ROR1: variants seen among roughly 807,000 people sequenced by gnomAD.
ROR1 encodes the protein ROR family WNT receptor 1, also known as inactive tyrosine-protein kinase transmembrane receptor ROR1.
In ROR1, 19 loss-of-function variants were observed where a neutral mutation model predicts 78.8. The ratio of observed to expected loss-of-function variants is 0.24; its 90% CI spans 0.17 to 0.35. The LOEUF is 0.35. Among genes scored for constraint, ROR1 ranks in the 10% least tolerant of loss-of-function variants. ROR1 has a pLI of 1.00. For missense variants in ROR1, 917 were observed against 1,177.8 expected (o/e 0.78, Z 3.24); for synonymous variants, 386 against 433.6 (o/e 0.89, Z 1.36).
chr1:63,961,856 C>A (rs1646032026), intron 1 of ROR1, among the ~76,000 whole-genome samples: 2 of 152,078 alleles, frequency 1.3e-5, no homozygotes, highest in Non-Finnish European at 2.9e-5. Context: ...ATGTTCCAAA[C>A]CCAAATAAAT....
At chr1:64,144,264 G>A (rs1225252913) in intron 7 of ROR1, among the ~76,000 whole-genome samples, 1 of 152,146 alleles carries the variant, frequency 6.6e-6, no homozygotes, top group Non-Finnish European at 1.5e-5. Flanking sequence ...TTCATGCTGA[G>A]TTTGAGATGC....
chr1:63,946,317 C>T (rs766125372), intron 1 of ROR1, among the ~76,000 whole-genome samples: 1 of 152,166 alleles, frequency 6.6e-6, no homozygotes, highest in Non-Finnish European at 1.5e-5. Flanking sequence ...GAACATCTTC[C>T]AGATATAACT....
chr1:64,083,129 G>A (rs530087907), intron 4 of ROR1, among the ~76,000 whole-genome samples: 4 of 152,308 alleles, frequency 2.6e-5, no homozygotes, highest in Middle Eastern at 3.4e-3. Flanking sequence ...GTCATAATTG[G>A]GAAAGAGTAC....
At chr1:64,130,239 G>A (rs912772571) in intron 4 of ROR1, among the ~76,000 whole-genome samples, 1 of 152,118 alleles carries the variant, frequency 6.6e-6, no homozygotes, top group Non-Finnish European at 1.5e-5. Flanking sequence ...TAGATTTAAG[G>A]CTTCTCTGTG....
chr1:63,940,203 C>A (rs1029901868), intron 1 of ROR1, among the ~76,000 whole-genome samples: 4 of 151,918 alleles, frequency 2.6e-5, no homozygotes, highest in Non-Finnish European at 5.9e-5. Context: ...CTCTAAAGAA[C>A]CAGGGGTCCT....
At chr1:63,919,064 A>C (rs529377583) in intron 1 of ROR1, among the ~76,000 whole-genome samples, 1 of 152,218 alleles carries the variant, frequency 6.6e-6, no homozygotes, top group South Asian at 2.1e-4. Context: ...TCTAGAGGGT[A>C]AATAACAGGA....
At chr1:63,901,769 C>T (rs1387125009) in intron 1 of ROR1, among the ~76,000 whole-genome samples, 1 of 151,978 alleles carries the variant, frequency 6.6e-6, no homozygotes, top group African/African-American at 2.4e-5. Flanking sequence ...ATACTTCCTT[C>T]TATCATATAT....
rs573290898 is a variant in ROR1, at chr1:64,024,195, TG to T, written c.163+14822del. ...CAGTGTGAAAATGGACTAATACAAA[TG>T]GGAGCTGGGCGCAGTGGCTCATGCC... On this transcript the variant is annotated intron_variant, in intron 2 of 8. Transcript: ENST00000371079. 6.8e-3 allele frequency among the ~76,000 whole-genome samples: 1,037 copies of T among 152,268 alleles called. 6 individuals carry two copies. The highest frequency in any genetic ancestry group is 8.9e-3 in the Non-Finnish European group (602 of 68,016).
At chr1:64,115,407 A>T (rs1408409993) in intron 4 of ROR1, among the ~76,000 whole-genome samples, 7 of 151,436 alleles carry the variant, frequency 4.6e-5, no homozygotes, top group East Asian at 1.9e-4. Flanking sequence ...TTATTTATTT[A>T]TTTATTTTGT....
chr1:63,826,320 A>G (rs1644953227), intron 1 of ROR1, among the ~76,000 whole-genome samples: 1 of 152,042 alleles, frequency 6.6e-6, no homozygotes, highest in Admixed American at 6.6e-5. Flanking sequence ...TTTAGCTCCC[A>G]CTTACAAGTG....
intron 1 of ROR1, among the ~76,000 whole-genome samples, chr1:63,958,447 A>T (rs543458907): frequency 6.6e-6 from 1 of 152,298 alleles, no homozygotes; most frequent in East Asian, 1.9e-4. Flanking sequence ...CCAGGTGCAT[A>T]TGTCTTCCTT....
At chr1:64,137,939 A>G (rs369166410) in intron 5 of ROR1, among the ~76,000 whole-genome samples, 2 of 152,164 alleles carry the variant, frequency 1.3e-5, no homozygotes, top group African/African-American at 2.4e-5. Flanking sequence ...CTTTGGGGAA[A>G]TCGCTTACTT....
chr1:63,836,231 A>T (rs1449103431), intron 1 of ROR1, among the ~76,000 whole-genome samples: 1 of 152,210 alleles, frequency 6.6e-6, no homozygotes, highest in Non-Finnish European at 1.5e-5. Context: ...CCAAGCCCTA[A>T]GCCTCAACAC....
intron 1 of ROR1, chr1:63,843,221 C>T (rs879175001): frequency 5.3e-6 from 8 of 1,498,768 alleles, no homozygotes; most frequent in Middle Eastern, 2.4e-4. Context: ...GGGAGATGAC[C>T]GCACTGCCCC....
At chr1:63,848,573 T>C (rs1378697353) in intron 1 of ROR1, among the ~76,000 whole-genome samples, 1 of 152,244 alleles carries the variant, frequency 6.6e-6, no homozygotes, top group Non-Finnish European at 1.5e-5. Flanking sequence ...AGTGGAGGCC[T>C]GTGGTACTTT....
chr1:63,973,043 C>A (rs1646131080), intron 1 of ROR1, among the ~76,000 whole-genome samples: 1 of 152,222 alleles, frequency 6.6e-6, no homozygotes, highest in Non-Finnish European at 1.5e-5. Context: ...GGGCAGGCTG[C>A]TGCTTCTCTC....
intron 1 of ROR1, among the ~76,000 whole-genome samples, chr1:63,800,024 A>G (rs899105548): frequency 6.6e-6 from 1 of 152,220 alleles, no homozygotes; most frequent in Non-Finnish European, 1.5e-5. Flanking sequence ...CATTTCCCCT[A>G]GTAACGAAGG....
intron 1 of ROR1, among the ~76,000 whole-genome samples, chr1:63,905,907 TTAACA>T (rs1645524373): frequency 6.6e-6 from 1 of 152,184 alleles, no homozygotes; most frequent in East Asian, 1.9e-4. Context: ...TCGATAATAA[TTAACA>T]TAAAATAATG....
intron 1 of ROR1, among the ~76,000 whole-genome samples, chr1:63,776,912 T>G (rs1429395789): frequency 6.6e-6 from 1 of 152,214 alleles, no homozygotes; most frequent in Admixed American, 6.5e-5. Flanking sequence ...GTTTACTTTC[T>G]CCTCTTGGAC....
Sources: gnomAD v4.1 joint callset for allele counts (sites outside exome capture counted in the v4.1 genomes callset) on GRCh38, gnomAD v4.1.1 for gene constraint, MANE v1.5 for transcripts, NCBI Gene and HGNC (gene_info 2026-07-23, HGNC 2026-07-21) for gene names.